TSPAN14: variants seen among roughly 807,000 people sequenced by gnomAD.
TSPAN14 encodes tetraspanin 14.
In TSPAN14, 16 loss-of-function variants were observed where a neutral mutation model predicts 36.6. The observed-to-expected ratio is 0.44, with a 90% CI of 0.30 to 0.66. TSPAN14 has a LOEUF of 0.66. Ranked by LOEUF, TSPAN14 falls within the 30% of genes least tolerant of loss-of-function variation. The pLI is 0.12. For missense variants in TSPAN14, 231 were observed against 355.1 expected, an observed-to-expected ratio of 0.65 and a Z score of 2.81; for synonymous variants, 139 against 143.8, an observed-to-expected ratio of 0.97 and a Z score of 0.24.
At chr10:80,468,208 C>A (rs1274710447) in intron 1 of TSPAN14, among the ~76,000 whole-genome samples, 1 of 152,168 alleles carries the variant, frequency 6.6e-6, no homozygotes, top group Non-Finnish European at 1.5e-5. Context: ...CTACCAGGCC[C>A]CCCTGTGCCT....
intron 1 of TSPAN14, among the ~76,000 whole-genome samples, chr10:80,488,522 G>C (rs901813527): frequency 6.6e-6 from 1 of 152,012 alleles, no homozygotes; most frequent in South Asian, 2.1e-4. Context: ...TCTGGGTTGA[G>C]GTGGAGTGGG....
chr10:80,463,067 T>G (rs1326197210), intron 1 of TSPAN14: 1 of 152,230 alleles, frequency 6.6e-6, no homozygotes, highest in African/African-American at 2.4e-5. Flanking sequence ...TTGCTCTTCT[T>G]AGGAAAACTT....
intron 3 of TSPAN14, among the ~76,000 whole-genome samples, chr10:80,505,791 C>T (rs188034736): frequency 6.6e-6 from 1 of 152,204 alleles, no homozygotes; most frequent in Non-Finnish European, 1.5e-5. Flanking sequence ...CTGGGTGTGG[C>T]CCTGAGTGTG....
intron 2 of TSPAN14, among the ~76,000 whole-genome samples, chr10:80,500,043 G>C (rs1848408102): frequency 6.6e-6 from 1 of 152,194 alleles, no homozygotes; most frequent in South Asian, 2.1e-4. Context: ...CAGAGTTCCA[G>C]GGAAGGGTTC....
chr10:80,477,507 C>T (rs1292106210), intron 1 of TSPAN14, among the ~76,000 whole-genome samples: 1 of 152,030 alleles, frequency 6.6e-6, no homozygotes. Flanking sequence ...AAGAAAACAA[C>T]AGCAAGAAAA....
chr10:80,463,761 G>A (rs1445012774), intron 1 of TSPAN14, among the ~76,000 whole-genome samples: 1 of 152,254 alleles, frequency 6.6e-6, no homozygotes, highest in African/African-American at 2.4e-5. Flanking sequence ...CATTAGGTGT[G>A]TAAAAGGAAA....
In TSPAN14 at chr10:80,511,760, CTCTCTCTCTCT is replaced by C. The variant is rs1564745263; in HGVS notation, c.451-383_451-373del. 7.1e-3 allele frequency among the ~76,000 whole-genome samples: 972 copies of C among 136,850 alleles called. 21 individuals are homozygous for C. Among genetic ancestry groups the C allele is most frequent in the South Asian group, 0.021 (91 of 4,266 alleles). The allele number at this position is 136,850 out of a possible 152,430, so 89.8% of individuals were successfully genotyped here. ...TCTCTCTCTCTCTCTCTCTCTCTCT[CTCTCTCTCTCT>C]CCCCTTTTTTCTTTCTCTCCTTTTC... On this transcript the variant is annotated intron_variant, in intron 5 of 8. Transcript: ENST00000429989.
At chr10:80,471,653 G>A (rs1243296222) in intron 1 of TSPAN14, among the ~76,000 whole-genome samples, 1 of 152,152 alleles carries the variant, frequency 6.6e-6, no homozygotes, top group African/African-American at 2.4e-5. Context: ...TCCCTTGAGT[G>A]GGCAGCTTCA....
rs139086777 is a variant in TSPAN14 at position 80,514,012 on chromosome 10, C to A, written c.577-7C>A. 332 of 1,613,488 alleles carry A rather than the reference C, an allele frequency of 2.1e-4. 2 individuals carry two copies. In the African/African-American group the frequency reaches 3.5e-3, roughly 17 times the overall value. Reference sequence around the variant, plus strand: ...AGAAGCAACTAATTTTTCTGCTTTTCTTGCAGCAAAAAGTTGTGAACACAC... The same window carrying A: ...AGAAGCAACTAATTTTTCTGCTTTTATTGCAGCAAAAAGTTGTGAACACAC... On this transcript the variant is annotated splice_polypyrimidine_tract_variant and splice_region_variant and intron_variant, in intron 6 of 8. Coordinates refer to ENST00000429989, the Ensembl canonical transcript of TSPAN14.
At chr10:80,516,055 G>A in intron 7 of TSPAN14, 149 bp from the exon 8 acceptor site, 2 of 1,176,054 alleles carry the variant, frequency 1.7e-6, no homozygotes, top group East Asian at 2.4e-5. Context: ...AGGAGCTGAC[G>A]AGCATCTCCT....
At chr10:80,496,572 C>T (rs1481676936) in intron 2 of TSPAN14, among the ~76,000 whole-genome samples, 2 of 152,298 alleles carry the variant, frequency 1.3e-5, no homozygotes, top group South Asian at 2.1e-4. Context: ...TGTTTTCAAA[C>T]GCACACCCTT....
At chr10:80,506,288 G>C (rs1840296371) in intron 3 of TSPAN14, among the ~76,000 whole-genome samples, 1 of 152,170 alleles carries the variant, frequency 6.6e-6, no homozygotes, top group Non-Finnish European at 1.5e-5. Context: ...TGTATGTCTT[G>C]ATGCTTAGTC....
chr10:80,471,412 C>T lies in TSPAN14; in HGVS notation c.-18+17041C>T, dbSNP rs575635742. ...GTCTGGAGGCACAGCACCTTGGACT[C>T]CCTGGGTTCTTGTTCACATTGGGAA... On this transcript the variant is annotated intron_variant, in intron 1 of 8. Coordinates refer to ENST00000429989, the Ensembl canonical transcript of TSPAN14. 4.6e-5 allele frequency among the ~76,000 whole-genome samples: 7 copies of T among 152,178 alleles called. No homozygotes were observed. The East Asian group carries it at 1.2e-3, about 25-fold the overall frequency.
At chr10:80,501,014 C>T in intron 2 of TSPAN14, among the ~76,000 whole-genome samples, 1 of 152,154 alleles carries the variant, frequency 6.6e-6, no homozygotes, top group East Asian at 1.9e-4. Context: ...TCTATTTAGT[C>T]ACTATTTAGT....
intron 1 of TSPAN14, among the ~76,000 whole-genome samples, chr10:80,470,489 A>G (rs544970117): frequency 3.3e-5 from 5 of 152,376 alleles, no homozygotes; most frequent in African/African-American, 1.2e-4. Context: ...GTATAAAAAG[A>G]TTTTTAAGCA....
exon 9 of TSPAN14, chr10:80,518,746 TAA>T (rs1009624600): frequency 1.0e-4 from 16 of 152,814 alleles, no homozygotes; most frequent in African/African-American, 3.6e-4. Flanking sequence ...CTCCTTTTCT[TAA>T]AGTGTGTAAA....
At chr10:80,460,956 T>C (rs922006222) in intron 1 of TSPAN14, among the ~76,000 whole-genome samples, 10 of 152,196 alleles carry the variant, frequency 6.6e-5, no homozygotes, top group African/African-American at 2.4e-4. Context: ...AGGGAGGTGC[T>C]GTGGGGGATC....
intron 8 of TSPAN14, among the ~76,000 whole-genome samples, chr10:80,517,503 G>A (rs1047514365): frequency 4.6e-5 from 7 of 152,240 alleles, no homozygotes; most frequent in East Asian, 1.9e-4. Context: ...TGGAATCGAC[G>A]TTTACAGGAA....
At chr10:80,470,198 G>A (rs112768694) in intron 1 of TSPAN14, among the ~76,000 whole-genome samples, 3 of 152,108 alleles carry the variant, frequency 2.0e-5, no homozygotes, top group Admixed American at 6.5e-5. Context: ...CAATTCTCCT[G>A]TCTCAGCCTC....
Sources: allele counts gnomAD v4.1 joint callset (sites outside exome capture counted in the v4.1 genomes callset), GRCh38; gene constraint gnomAD v4.1.1; transcripts MANE v1.5; gene names NCBI Gene and HGNC (gene_info 2026-07-23, HGNC 2026-07-21).